The following GRIK3 variants were observed in gnomAD, a reference collection of about 807,000 sequenced individuals.
GRIK3 encodes glutamate receptor ionotropic, kainate 3.
A neutral mutation model predicts 102.5 loss-of-function variants in GRIK3; 29 were observed. That is an observed-to-expected ratio of 0.28 (90% CI 0.21 to 0.39). The LOEUF (loss-of-function observed/expected upper bound fraction) is 0.39, where lower values mean the gene tolerates loss of function less well. GRIK3 is among the 10% of genes least tolerant of loss of function. The pLI is 1.00. For synonymous variants in GRIK3, 511 were observed against 504.9 expected (o/e 1.01, Z -0.16); for missense variants, 908 against 1,252.4 (o/e 0.73, Z 4.15).
intron 1 of GRIK3, among the ~76,000 whole-genome samples, chr1:36,999,102 G>A (rs1024528022): frequency 6.6e-6 from 1 of 152,024 alleles, no homozygotes; most frequent in African/African-American, 2.4e-5. Context: ...GAACAGATGG[G>A]GCATGGAGTA....
At chr1:36,986,465 CCCATCCATCCAT>C (rs774258723) in intron 1 of GRIK3, among the ~76,000 whole-genome samples, 85 of 115,242 alleles carry the variant, frequency 7.4e-4, no homozygotes, top group African/African-American at 2.4e-3. Flanking sequence ...CATCCATCAG[CCCATCCATCCAT>C]CCATCCATCC....
At chr1:36,805,575 C>G (rs1296701709) in intron 14 of GRIK3, among the ~76,000 whole-genome samples, 1 of 152,222 alleles carries the variant, frequency 6.6e-6, no homozygotes, top group African/African-American at 2.4e-5. Context: ...TGTCCCAGCT[C>G]TCATTGCTCA....
Position 37,034,314 on chromosome 1 carries a change from G to A in GRIK3, c.-206C>T, listed in dbSNP as rs1642864019. Among the ~76,000 whole-genome samples the A allele has an allele frequency of 1.3e-5, 2 of 148,206 alleles. No homozygotes were observed. Among genetic ancestry groups the A allele is most frequent in the African/African-American group, 4.9e-5 (2 of 40,574 alleles). Reference sequence around the variant, plus strand: ...CCGCCGGCGCCCGCCCCGCCTGGCTGCCGCCCACGGGCTGCCCGCGAGCGA... The same window carrying A: ...CCGCCGGCGCCCGCCCCGCCTGGCTACCGCCCACGGGCTGCCCGCGAGCGA... On this transcript the variant is annotated 5_prime_UTR_variant, in exon 1 of 16. Transcript: ENST00000373091.
chr1:36,823,510 G>C (rs1456855823), intron 11 of GRIK3, among the ~76,000 whole-genome samples: 1 of 144,054 alleles, frequency 6.9e-6, no homozygotes, highest in East Asian at 2.1e-4. Flanking sequence ...AATTAAACTA[G>C]TGGCCACACA....
intron 10 of GRIK3, among the ~76,000 whole-genome samples, chr1:36,832,702 C>T (rs1640320500): frequency 6.6e-6 from 1 of 152,216 alleles, no homozygotes; most frequent in Non-Finnish European, 1.5e-5. Context: ...AAGCTCCATC[C>T]CTATGCCTCT....
intron 15 of GRIK3, among the ~76,000 whole-genome samples, chr1:36,803,863 C>T (rs895678007): frequency 6.6e-6 from 1 of 152,244 alleles, no homozygotes; most frequent in Non-Finnish European, 1.5e-5. Flanking sequence ...TCCCTCCCAT[C>T]TCTTCGTGTT....
chr1:36,818,613 T>G (rs1001162245), intron 12 of GRIK3, among the ~76,000 whole-genome samples: 1 of 152,246 alleles, frequency 6.6e-6, no homozygotes, highest in Non-Finnish European at 1.5e-5. Flanking sequence ...TTCTCGCATG[T>G]GGGACAGATT....
chr1:36,969,634 G>C (rs1415076073), intron 1 of GRIK3, among the ~76,000 whole-genome samples: 2 of 152,244 alleles, frequency 1.3e-5, no homozygotes, highest in Non-Finnish European at 2.9e-5. Flanking sequence ...GATGAGGAAA[G>C]AGTCACTATT....
chr1:37,000,588 C>A lies in GRIK3; in HGVS notation c.115+33406G>T, dbSNP rs989905332. ...GAGTACTTTATGTGGACAATTATAT[C>A]ATTCAATGCCTACAACTATTTTACA... On this transcript the variant is annotated intron_variant, in intron 1 of 15. Coordinates refer to ENST00000373091, the MANE Select transcript of GRIK3 (RefSeq NM_000831.4). Among the ~76,000 whole-genome samples the A allele has an allele frequency of 7.2e-5, 11 of 152,332 alleles. No homozygotes were observed. In the South Asian group the frequency reaches 2.3e-3, roughly 32 times the overall value.
At chr1:36,893,065 G>A (rs57991498) in intron 1 of GRIK3, among the ~76,000 whole-genome samples, 1,685 of 152,184 alleles carry the variant, frequency 0.011, 27 homozygotes, top group African/African-American at 0.039. Flanking sequence ...AAGGGGAGGA[G>A]CAGAAAAAAT....
At chr1:36,967,916 CT>C (rs1642097092) in intron 1 of GRIK3, among the ~76,000 whole-genome samples, 1 of 152,222 alleles carries the variant, frequency 6.6e-6, no homozygotes. Flanking sequence ...TAATGACATA[CT>C]TTGCCCAGTA....
At chr1:37,012,944 C>G (rs1015417584) in intron 1 of GRIK3, among the ~76,000 whole-genome samples, 1 of 152,186 alleles carries the variant, frequency 6.6e-6, no homozygotes, top group Admixed American at 6.5e-5. Flanking sequence ...TCCTGGGATA[C>G]CCCAAAGCAC....
intron 1 of GRIK3, among the ~76,000 whole-genome samples, chr1:37,017,628 C>T (rs1274527720): frequency 6.6e-6 from 1 of 152,064 alleles, no homozygotes; most frequent in Non-Finnish European, 1.5e-5. Context: ...GAATCCAGGG[C>T]CCCTTGATAA....
chr1:36,875,465 T>G (rs976302166), intron 3 of GRIK3, among the ~76,000 whole-genome samples: 1 of 152,242 alleles, frequency 6.6e-6, no homozygotes, highest in Non-Finnish European at 1.5e-5. Context: ...GGCCCTCCAA[T>G]TGGGCTCACC....
chr1:36,960,401 G>A (rs985590466), intron 1 of GRIK3, among the ~76,000 whole-genome samples: 2 of 152,166 alleles, frequency 1.3e-5, no homozygotes, highest in African/African-American at 2.4e-5. Context: ...TTGCAGCTCC[G>A]GTATTTAACG....
intron 1 of GRIK3, among the ~76,000 whole-genome samples, chr1:36,942,223 C>T (rs1344318756): frequency 6.6e-6 from 1 of 152,216 alleles, no homozygotes; most frequent in Non-Finnish European, 1.5e-5. Flanking sequence ...GAGCAGGTCT[C>T]TGTGCTGGTG....
chr1:36,811,841 G>A (rs1375063286), intron 13 of GRIK3, among the ~76,000 whole-genome samples: 1 of 152,208 alleles, frequency 6.6e-6, no homozygotes, highest in Non-Finnish European at 1.5e-5. Flanking sequence ...CTTGCTAATT[G>A]CTGCATGGTG....
At chr1:36,865,465 C>A (rs1302690385) in intron 5 of GRIK3, among the ~76,000 whole-genome samples, 2 of 152,132 alleles carry the variant, frequency 1.3e-5, no homozygotes, top group Non-Finnish European at 2.9e-5. Flanking sequence ...GGGAGGATCA[C>A]GAGGTAGAGG....
At chr1:36,936,239 C>A (rs557698965) in intron 1 of GRIK3, among the ~76,000 whole-genome samples, 1 of 152,148 alleles carries the variant, frequency 6.6e-6, no homozygotes, top group African/African-American at 2.4e-5. Flanking sequence ...AATCATCCCC[C>A]CATCCTGGAG....
Sources: gnomAD v4.1 joint callset for allele counts (sites outside exome capture counted in the v4.1 genomes callset) on GRCh38, gnomAD v4.1.1 for gene constraint, MANE v1.5 for transcripts, NCBI Gene and HGNC (gene_info 2026-07-23, HGNC 2026-07-21) for gene names.